Variants in NTRK2 observed in about 807,000 individuals in gnomAD.
NTRK2 encodes BDNF/NT-3 growth factors receptor.
NTRK2 carries 13 observed loss-of-function variants against 94.5 expected under a neutral mutation model. The observed-to-expected ratio is 0.14, with a 90% CI of 0.09 to 0.22. The LOEUF (loss-of-function observed/expected upper bound fraction) is 0.22, where lower values mean the gene tolerates loss of function less well. Among genes scored for constraint, NTRK2 ranks in the 10% least tolerant of loss-of-function variants. The pLI, the probability that NTRK2 is intolerant of heterozygous loss-of-function variation, is 1.00. For missense variants in NTRK2, 639 were observed against 1,071.2 expected (o/e 0.60, Z 5.63); for synonymous variants, 372 against 407.4 (o/e 0.91, Z 1.05).
chr9:84,949,294 T>C (rs952219784), intron 16 of NTRK2, among the ~76,000 whole-genome samples: 12 of 152,154 alleles, frequency 7.9e-5, no homozygotes, highest in African/African-American at 2.2e-4. Context: ...CATGAAAAGA[T>C]GGACAGCTTC....
chr9:84,674,299 C>T (rs1401426118), intron 2 of NTRK2, among the ~76,000 whole-genome samples: 1 of 152,072 alleles, frequency 6.6e-6, no homozygotes, highest in South Asian at 2.1e-4. Context: ...TATTTGAGAA[C>T]AGCCTTATAT....
chr9:84,695,728 AC>A (rs2060336282), intron 2 of NTRK2, among the ~76,000 whole-genome samples: 1 of 152,212 alleles, frequency 6.6e-6, no homozygotes, highest in African/African-American at 2.4e-5. Context: ...GCCTTCACTG[AC>A]CTGCCCAATT....
chr9:84,926,492 A>G (rs2077825764), intron 14 of NTRK2, among the ~76,000 whole-genome samples: 1 of 152,008 alleles, frequency 6.6e-6, no homozygotes, highest in South Asian at 2.1e-4. Flanking sequence ...TCGGCCTCCC[A>G]AAGTGCTGGG....
intron 17 of NTRK2, among the ~76,000 whole-genome samples, chr9:84,966,745 A>G (rs1825604501): frequency 6.6e-6 from 1 of 152,058 alleles, no homozygotes; most frequent in Admixed American, 6.5e-5. Flanking sequence ...TAGAGCTATT[A>G]TATAGGCACT....
chr9:84,943,922 T>G (rs549285398), intron 15 of NTRK2, among the ~76,000 whole-genome samples: 1 of 152,296 alleles, frequency 6.6e-6, no homozygotes, highest in South Asian at 2.1e-4. Flanking sequence ...CCATATTTTC[T>G]GAATCTCTTA....
chr9:84,783,613 A>G (rs889539427), intron 12 of NTRK2, among the ~76,000 whole-genome samples: 3 of 152,202 alleles, frequency 2.0e-5, no homozygotes, highest in African/African-American at 7.2e-5. Context: ...AGAGATGGGC[A>G]TTGAAGGAGG....
intron 12 of NTRK2, among the ~76,000 whole-genome samples, chr9:84,788,286 T>G (rs555803585): frequency 9.0e-4 from 137 of 152,262 alleles, no homozygotes; most frequent in African/African-American, 3.2e-3. Flanking sequence ...AAAATGAAAA[T>G]GAAATTAACA....
intron 17 of NTRK2, among the ~76,000 whole-genome samples, chr9:85,011,634 A>T (rs1831584500): frequency 6.6e-6 from 1 of 152,216 alleles, no homozygotes; most frequent in Non-Finnish European, 1.5e-5. Context: ...TCCAGAAAAC[A>T]AATTGGCTGG....
chr9:84,709,272 G>A (rs1330934861), intron 5 of NTRK2, among the ~76,000 whole-genome samples: 1 of 152,190 alleles, frequency 6.6e-6, no homozygotes, highest in African/African-American at 2.4e-5. Context: ...GTTGTCATAT[G>A]AACATTGCTG....
At chr9:84,882,611 G>A (rs1220432770) in intron 14 of NTRK2, among the ~76,000 whole-genome samples, 1 of 152,136 alleles carries the variant, frequency 6.6e-6, no homozygotes, top group African/African-American at 2.4e-5. Flanking sequence ...CCCCATGTCC[G>A]GTAGCAAGCC....
intron 14 of NTRK2, among the ~76,000 whole-genome samples, chr9:84,905,745 A>G (rs769197146): frequency 1.3e-5 from 2 of 152,196 alleles, no homozygotes; most frequent in Non-Finnish European, 2.9e-5. Context: ...TGGATTCTGT[A>G]CGCAGACTTA....
chr9:84,796,381 C>T (rs2069329807), intron 12 of NTRK2, among the ~76,000 whole-genome samples: 1 of 152,180 alleles, frequency 6.6e-6, no homozygotes, highest in Admixed American at 6.5e-5. Context: ...TTCCCCCTTA[C>T]CTTCTAGCTA....
intron 14 of NTRK2, among the ~76,000 whole-genome samples, chr9:84,913,348 C>T (rs2077300963): frequency 6.6e-6 from 1 of 152,044 alleles, no homozygotes; most frequent in African/African-American, 2.4e-5. Context: ...CATCTTTATT[C>T]CACTTTACTT....
intron 12 of NTRK2, among the ~76,000 whole-genome samples, chr9:84,754,490 G>A (rs557171834): frequency 5.9e-5 from 9 of 152,266 alleles, no homozygotes; most frequent in Admixed American, 3.3e-4. Flanking sequence ...TGCTTAAAAC[G>A]TGGTATTTAA....
At chr9:84,951,229 A>G (rs1243711370) in intron 16 of NTRK2, among the ~76,000 whole-genome samples, 2 of 152,178 alleles carry the variant, frequency 1.3e-5, no homozygotes, top group Non-Finnish European at 2.9e-5. Context: ...AGGAATATAT[A>G]GCCGATTTGC....
At chr9:84,977,655 A>G (rs1827061453) in intron 17 of NTRK2, among the ~76,000 whole-genome samples, 1 of 152,218 alleles carries the variant, frequency 6.6e-6, no homozygotes, top group African/African-American at 2.4e-5. Context: ...CTGCACATAT[A>G]CCATATATAC....
chr9:84,729,412 G>A (rs909905786), intron 9 of NTRK2, among the ~76,000 whole-genome samples: 2 of 152,156 alleles, frequency 1.3e-5, no homozygotes, highest in South Asian at 2.1e-4. Flanking sequence ...CTTGGCTATG[G>A]TTGCTGCAGT....
chr9:84,922,093 A>G (rs1296323209), intron 14 of NTRK2, among the ~76,000 whole-genome samples: 1 of 152,240 alleles, frequency 6.6e-6, no homozygotes, highest in African/African-American at 2.4e-5. Context: ...AGGTTGAGCT[A>G]TATGAAATAG....
In NTRK2 at chr9:84,995,288, C is replaced by CT. The variant is rs569525444; in HGVS notation, c.2173-24908dup. On this transcript the variant is annotated intron_variant, in intron 17 of 18. Transcript: ENST00000277120. ...CCAAGAGTGACTACATACTGTTTTGCTTTTTTTTTTCCCCCAGAACAGTTA... is the reference window on the plus strand; with the variant it reads ...CCAAGAGTGACTACATACTGTTTTGCTTTTTTTTTTTCCCCCAGAACAGTTA... Among the ~76,000 whole-genome samples, 174 of 148,960 alleles carry CT rather than the reference C, an allele frequency of 1.2e-3. 1 individual carries two copies. Among genetic ancestry groups the CT allele is most frequent in the African/African-American group, 3.9e-3 (157 of 40,564 alleles).
Sources: gnomAD v4.1 joint callset for allele counts (sites outside exome capture counted in the v4.1 genomes callset) on GRCh38, gnomAD v4.1.1 for gene constraint, MANE v1.5 for transcripts, NCBI Gene and HGNC (gene_info 2026-07-23, HGNC 2026-07-21) for gene names.